The following C2orf42 variants were observed in gnomAD, a reference collection of about 807,000 sequenced individuals.
The protein encoded by C2orf42 is chromosome 2 open reading frame 42.
Under a neutral mutation model 58.9 loss-of-function variants are expected in C2orf42, and 44 were observed. The observed-to-expected ratio is 0.75, with a 90% CI of 0.59 to 0.96. The LOEUF (loss-of-function observed/expected upper bound fraction) is 0.96, where lower values mean the gene tolerates loss of function less well. Among genes scored for constraint, C2orf42 ranks in the 40% least tolerant of loss-of-function variants. C2orf42 has a pLI of 0.00. For missense variants in C2orf42, 630 were observed against 699.2 expected (o/e 0.90, Z 1.12); for synonymous variants, 239 against 265.4 (o/e 0.90, Z 0.97).
At chr2:70,152,424 C>T (rs770346818) in intron 9 of C2orf42, among the ~76,000 whole-genome samples, 44 of 152,160 alleles carry the variant, frequency 2.9e-4, no homozygotes, top group Admixed American at 1.4e-3. Flanking sequence ...TAAAAACTTA[C>T]AACTGATGAA....
Position 70,160,613 on chromosome 2 carries a change from A to C in C2orf42, c.1516+12T>G. The stretch of plus-strand genomic sequence containing the variant: ...ACACTCAAAGGAAGATGCAGTTTTG[A>C]AGTTCACTTACCAACTTTGAGAAAA... On this transcript the variant is annotated intron_variant, in intron 9 of 9. Coordinates refer to ENST00000264434, the MANE Select transcript of C2orf42 (RefSeq NM_017880.3). 2 of 1,597,666 alleles carry C rather than the reference A, an allele frequency of 1.3e-6. No individual in the cohort carries two copies. The highest frequency in any genetic ancestry group is 1.7e-6 in the Non-Finnish European group (2 of 1,169,944).
At position 70,168,103 on chromosome 2, in the gene C2orf42, G is replaced by A. The variant is rs373637716; in HGVS notation, c.1144+1454C>T. 2.6e-5 allele frequency among the ~76,000 whole-genome samples: 4 copies of A among 151,118 alleles called. No homozygotes were observed. In the East Asian group the frequency reaches 6.0e-4, roughly 23 times the overall value. On this transcript the variant is annotated intron_variant, in intron 6 of 9. Coordinates refer to ENST00000264434, the MANE Select transcript of C2orf42 (RefSeq NM_017880.3). ...CAAAAAATTGGCCAGGCATGGTGGT[G>A]CGTGCCTGTAATCCCAGCTACTTGG...
chr2:70,186,516 T>C (rs1344183796), intron 1 of C2orf42, among the ~76,000 whole-genome samples: 1 of 152,204 alleles, frequency 6.6e-6, no homozygotes, highest in Non-Finnish European at 1.5e-5. Context: ...GGTGGGACTA[T>C]AAACTAGTTC....
Position 70,165,649 on chromosome 2 carries a change from G to A in C2orf42, c.1145-14C>T. 2 of 1,435,952 alleles carry A rather than the reference G, an allele frequency of 1.4e-6. No homozygotes were observed. The highest frequency in any genetic ancestry group is 2.0e-6 in the Non-Finnish European group (2 of 1,019,826). The allele number at this position is 1,435,952 out of a possible 1,614,324, so 89.0% of individuals were successfully genotyped here. The stretch of plus-strand genomic sequence containing the variant: ...GTTCTGGTTTGCCTATGGGAAACAA[G>A]AAGAAACAACTCATTTAAAGAAACT... On this transcript the variant is annotated splice_polypyrimidine_tract_variant and intron_variant, in intron 6 of 9. Coordinates refer to ENST00000264434, the MANE Select transcript of C2orf42 (RefSeq NM_017880.3).
intron 6 of C2orf42, among the ~76,000 whole-genome samples, chr2:70,165,891 A>G (rs990346729): frequency 6.6e-6 from 1 of 151,846 alleles, no homozygotes; most frequent in Admixed American, 6.6e-5. Context: ...AGTGTCTATA[A>G]AAAAAAATTT....
intron 5 of C2orf42, among the ~76,000 whole-genome samples, chr2:70,170,236 G>A (rs1463866632): frequency 6.8e-6 from 1 of 147,406 alleles, no homozygotes; most frequent in African/African-American, 2.5e-5. Context: ...TAAACTAAGT[G>A]AAATAAGATA....
At chr2:70,160,876 C>A in intron 8 of C2orf42, 89 bp from the exon 9 acceptor site, 1 of 786,958 alleles carries the variant, frequency 1.3e-6, no homozygotes, top group South Asian at 2.2e-5. Flanking sequence ...TTTTATTATT[C>A]CTTCTTTCTT....
At chr2:70,158,621 T>C (rs909765804) in intron 9 of C2orf42, among the ~76,000 whole-genome samples, 5 of 152,030 alleles carry the variant, frequency 3.3e-5, no homozygotes, top group Non-Finnish European at 7.4e-5. Context: ...AGCTAATGTT[T>C]TGCATTTTAG....
intron 5 of C2orf42, among the ~76,000 whole-genome samples, chr2:70,174,362 G>T (rs1055666066): frequency 5.3e-5 from 8 of 152,020 alleles, no homozygotes; most frequent in African/African-American, 1.9e-4. Flanking sequence ...TAAGGTAATT[G>T]TACATTCACA....
Position 70,182,045 on chromosome 2 carries a change from A to G in C2orf42, c.-12-48T>C. 12 of 833,200 alleles carry G rather than the reference A, an allele frequency of 1.4e-5. No individual in the cohort carries two copies. In the South Asian group the frequency reaches 1.8e-4, roughly 13 times the overall value. The allele number at this position is 833,200 out of a possible 1,614,324, so 51.6% of individuals were successfully genotyped here. On this transcript the variant is annotated intron_variant, in intron 2 of 9. Coordinates refer to ENST00000264434, the MANE Select transcript of C2orf42 (RefSeq NM_017880.3). ...CAGTATGAGTATACCTTCACACACAAAAAGTTAAAATCACTTATGATATTT... is the reference window on the plus strand; with the variant it reads ...CAGTATGAGTATACCTTCACACACAGAAAGTTAAAATCACTTATGATATTT...
rs1175540020 is a variant in C2orf42, at chr2:70,182,950, A to G, written c.-281-15T>C. On this transcript the variant is annotated splice_polypyrimidine_tract_variant and intron_variant, in intron 1 of 9. Coordinates refer to ENST00000264434, the MANE Select transcript of C2orf42 (RefSeq NM_017880.3). ...ATCTTGATAGTCTGCGAGTAAAACA[A>G]GAAAAAATATTAAAGTTATACAAAG... is the stretch of plus-strand genomic sequence containing the variant. 6.6e-6 allele frequency: 1 copy of G among 152,202 alleles called. No individual in the cohort carries two copies. Among genetic ancestry groups the G allele is most frequent in the African/African-American group, 2.4e-5 (1 of 41,454 alleles). The allele number at this position is 152,202 out of a possible 1,614,324, so 9.4% of individuals were successfully genotyped here.
chr2:70,163,624 C>T (rs562544936), intron 8 of C2orf42, among the ~76,000 whole-genome samples: 2 of 152,122 alleles, frequency 1.3e-5, no homozygotes, highest in South Asian at 2.1e-4. Context: ...CCAAGGTGGG[C>T]GGATCACTTG....
At chr2:70,168,275 C>A (rs983424700) in intron 6 of C2orf42, among the ~76,000 whole-genome samples, 2 of 148,838 alleles carry the variant, frequency 1.3e-5, no homozygotes, top group Non-Finnish European at 3.0e-5. Context: ...TGCCACCATG[C>A]CCAGCTATAG....
chr2:70,164,031 G>A (rs1171584242), intron 8 of C2orf42, among the ~76,000 whole-genome samples: 5 of 151,182 alleles, frequency 3.3e-5, no homozygotes, highest in Non-Finnish European at 7.4e-5. Flanking sequence ...TAATTAATAG[G>A]GTGGGCCTGG....
intron 1 of C2orf42, among the ~76,000 whole-genome samples, chr2:70,186,172 T>C (rs1043634581): frequency 6.6e-6 from 1 of 152,038 alleles, no homozygotes; most frequent in Non-Finnish European, 1.5e-5. Context: ...TCTTAGAATA[T>C]TGTTCCAAAG....
intron 1 of C2orf42, among the ~76,000 whole-genome samples, chr2:70,188,740 G>GT (rs1472434999): frequency 1.3e-5 from 2 of 152,028 alleles, no homozygotes; most frequent in African/African-American, 4.8e-5. Flanking sequence ...GAGTCATCAC[G>GT]TCTCCTTAGT....
chr2:70,153,368 T>C (rs1230743319), intron 9 of C2orf42, among the ~76,000 whole-genome samples: 1 of 149,326 alleles, frequency 6.7e-6, no homozygotes, highest in Non-Finnish European at 1.5e-5. Flanking sequence ...GACAGATCTT[T>C]TTTTTTTTTT....
intron 5 of C2orf42, among the ~76,000 whole-genome samples, chr2:70,169,935 T>C (rs1673684208): frequency 6.6e-6 from 1 of 151,762 alleles, no homozygotes; most frequent in Non-Finnish European, 1.5e-5. Flanking sequence ...ATTGTTGTAT[T>C]TTTAGTAGAG....
At chr2:70,167,792 A>G (rs1673503861) in intron 6 of C2orf42, among the ~76,000 whole-genome samples, 1 of 152,110 alleles carries the variant, frequency 6.6e-6, no homozygotes, top group African/African-American at 2.4e-5. Flanking sequence ...ACTCATAGTC[A>G]AGGAGCGAGC....
Sources: allele counts gnomAD v4.1 joint callset (sites outside exome capture counted in the v4.1 genomes callset), GRCh38; gene constraint gnomAD v4.1.1; transcripts MANE v1.5; gene names NCBI Gene and HGNC (gene_info 2026-07-23, HGNC 2026-07-21).